KIAA1549L: variants seen among roughly 807,000 people sequenced by gnomAD.
KIAA1549L encodes the protein KIAA1549 like, also known as UPF0606 protein KIAA1549L.
In KIAA1549L, 88 loss-of-function variants were observed where a neutral mutation model predicts 160.7. The ratio of observed to expected loss-of-function variants is 0.55; its 90% CI spans 0.46 to 0.65. The LOEUF (loss-of-function observed/expected upper bound fraction) is 0.65. Among genes scored for constraint, KIAA1549L ranks in the 30% least tolerant of loss-of-function variants. The pLI, the probability that KIAA1549L is intolerant of heterozygous loss-of-function variation, is 0.00. For missense variants in KIAA1549L, 2,258 were observed against 2,437.5 expected, an observed-to-expected ratio of 0.93 and a Z score of 1.55; for synonymous variants, 950 against 976.7, an observed-to-expected ratio of 0.97 and a Z score of 0.51.
intron 1 of KIAA1549L, among the ~76,000 whole-genome samples, chr11:33,455,703 A>G (rs1338263093): frequency 2.6e-5 from 4 of 152,212 alleles, no homozygotes; most frequent in Non-Finnish European, 5.9e-5. Flanking sequence ...GCCCTCTGAG[A>G]GACATTTTTT....
At chr11:33,634,339 G>A (rs551857180) in intron 16 of KIAA1549L, among the ~76,000 whole-genome samples, 130 of 152,120 alleles carry the variant, frequency 8.5e-4, no homozygotes, top group Non-Finnish European at 1.7e-3. Flanking sequence ...CACCACGCCC[G>A]GCCTGCGCTT....
In KIAA1549L at chr11:33,414,560, C is replaced by T. The variant is rs188016704; in HGVS notation, c.238+37671C>T. Among the ~76,000 whole-genome samples, 416 of 152,182 alleles carry T rather than the reference C, an allele frequency of 2.7e-3. 6 individuals are homozygous for T. The highest frequency in any genetic ancestry group is 9.5e-3 in the African/African-American group (396 of 41,512). On this transcript the variant is annotated intron_variant, in intron 1 of 20. Transcript: ENST00000658780. ...TCAAACGGAGTGCACATTTTTAAGG[C>T]GATTGGCACACTTTATCAAATTATC...
chr11:33,510,730 C>A (rs1159248063), intron 1 of KIAA1549L, among the ~76,000 whole-genome samples: 1 of 152,228 alleles, frequency 6.6e-6, no homozygotes, highest in Non-Finnish European at 1.5e-5. Context: ...GAGGCTGTGA[C>A]CTCCTGGGGA....
At chr11:33,632,254 GGTAAGAAA>G (rs1471582055) in intron 16 of KIAA1549L, among the ~76,000 whole-genome samples, 1 of 152,180 alleles carries the variant, frequency 6.6e-6, no homozygotes, top group Non-Finnish European at 1.5e-5. Flanking sequence ...GGTGGACTCT[GGTAAGAAA>G]TCCCAGGCCT....
intron 1 of KIAA1549L, among the ~76,000 whole-genome samples, chr11:33,457,386 C>A (rs1317929059): frequency 6.6e-6 from 1 of 152,170 alleles, no homozygotes; most frequent in Non-Finnish European, 1.5e-5. Flanking sequence ...CCCTGTGCAG[C>A]CTCAACAACC....
rs769260469 is a variant in KIAA1549L, at chr11:33,542,723, A to G, written c.1160A>G (p.Gln387Arg). 28 of 1,613,912 alleles carry G rather than the reference A, an allele frequency of 1.7e-5. No homozygotes were observed. The South Asian group carries it at 2.5e-4, about 15-fold the overall frequency. Residue 387 changes from glutamine to arginine, a missense_variant, in exon 2 of 21, where the codon CAG (glutamine) becomes CGG (arginine). Gln to Arg is a conservative substitution (Grantham distance 43). Coordinates refer to ENST00000658780, the MANE Select transcript of KIAA1549L (RefSeq NM_012194.3). ...LEVASGPAST[Q>R]QIKAGVPGRV... Reference sequence around the variant, plus strand: ...GTGGCTTCAGGTCCTGCATCCACCCAGCAGATCAAAGCTGGGGTGCCTGGA... The same window carrying G: ...GTGGCTTCAGGTCCTGCATCCACCCGGCAGATCAAAGCTGGGGTGCCTGGA...
In KIAA1549L at chr11:33,401,913, G is replaced by A. The variant is rs923178269; in HGVS notation, c.238+25024G>A. Reference sequence around the variant, plus strand: ...ACTCAAAGATGCGGAAGCCAGGTGGGTGGCATGAGTGAGCCAAGCACACAT... The same window carrying A: ...ACTCAAAGATGCGGAAGCCAGGTGGATGGCATGAGTGAGCCAAGCACACAT... On this transcript the variant is annotated intron_variant, in intron 1 of 20. Coordinates refer to ENST00000658780, the MANE Select transcript of KIAA1549L (RefSeq NM_012194.3). 3.3e-5 allele frequency among the ~76,000 whole-genome samples: 5 copies of A among 152,220 alleles called. No individual in the cohort carries two copies. The South Asian group carries it at 6.2e-4, about 19-fold the overall frequency.
chr11:33,402,441 C>T (rs559411364), intron 1 of KIAA1549L, among the ~76,000 whole-genome samples: 74 of 152,282 alleles, frequency 4.9e-4, no homozygotes, highest in Non-Finnish European at 8.2e-4. Flanking sequence ...TATTTCTGGT[C>T]GCCTTGTGGT....
rs773611618 is a variant in KIAA1549L, at chr11:33,645,953, G to A, written c.5677G>A (p.Gly1893Arg). 4.3e-6 allele frequency: 7 copies of A among 1,612,816 alleles called. No homozygotes were observed. The highest frequency in any genetic ancestry group is 5.9e-6 in the Non-Finnish European group (7 of 1,179,388). ...PYSEVVTSAP[G>R]TMTRPRAGVQ... ...TTCGGAGGTGGTGACCAGCGCTCCG[G>A]GGACCATGACGCGGCCCAGGGCCGG... The change falls in exon 17 of 21, where the codon GGG becomes AGG. Residue 1893 changes from glycine (G) to arginine (R), a missense_variant. By Grantham distance (125) the Gly-to-Arg change is moderately radical. This residue lies in a region of KIAA1549L where 1,359 missense variants were observed against 1,546.6 expected (regional missense o/e 0.88). Transcript: ENST00000658780.
chr11:33,472,765 T>A (rs59837692), intron 1 of KIAA1549L, among the ~76,000 whole-genome samples: 3 of 152,152 alleles, frequency 2.0e-5, no homozygotes, highest in African/African-American at 7.2e-5. Flanking sequence ...TGCACCACAG[T>A]CCGTATTATA....
chr11:33,664,428 G>A (rs913528189), intron 20 of KIAA1549L, among the ~76,000 whole-genome samples: 1 of 152,188 alleles, frequency 6.6e-6, no homozygotes, highest in African/African-American at 2.4e-5. Context: ...GGGAGGAGAG[G>A]GGGCTGCTTT....
chr11:33,389,571 G>T (rs993766805), intron 1 of KIAA1549L, among the ~76,000 whole-genome samples: 1 of 152,196 alleles, frequency 6.6e-6, no homozygotes, highest in Non-Finnish European at 1.5e-5. Flanking sequence ...TAATACTGGA[G>T]ATGAACGTAT....
At chr11:33,451,766 G>GA (rs1285912087) in intron 1 of KIAA1549L, among the ~76,000 whole-genome samples, 2 of 152,112 alleles carry the variant, frequency 1.3e-5, no homozygotes, top group African/African-American at 2.4e-5. Context: ...AGACAATCTG[G>GA]AAAAAACCTC....
chr11:33,570,884 T>C (rs1044659613), intron 9 of KIAA1549L, among the ~76,000 whole-genome samples: 1 of 152,174 alleles, frequency 6.6e-6, no homozygotes, highest in African/African-American at 2.4e-5. Flanking sequence ...AGATCCAGTA[T>C]TGATGAGTGT....
At chr11:33,444,693 G>A (rs1851576057) in intron 1 of KIAA1549L, among the ~76,000 whole-genome samples, 1 of 152,202 alleles carries the variant, frequency 6.6e-6, no homozygotes. Context: ...TACTAATTAA[G>A]CCTGTCAAGT....
At chr11:33,512,872 T>C (rs952725297) in intron 1 of KIAA1549L, among the ~76,000 whole-genome samples, 2 of 152,190 alleles carry the variant, frequency 1.3e-5, no homozygotes, top group African/African-American at 4.8e-5. Context: ...ATCTGAAGCT[T>C]GGGTTTTAAT....
intron 1 of KIAA1549L, among the ~76,000 whole-genome samples, chr11:33,513,070 A>G (rs1159051663): frequency 6.6e-6 from 1 of 152,142 alleles, no homozygotes; most frequent in Non-Finnish European, 1.5e-5. Flanking sequence ...GGGACAGAGA[A>G]CATCAGTGGT....
chr11:33,482,685 T>A (rs1852436878), intron 1 of KIAA1549L, among the ~76,000 whole-genome samples: 1 of 151,086 alleles, frequency 6.6e-6, no homozygotes, highest in African/African-American at 2.4e-5. Flanking sequence ...TTCTCCTGCC[T>A]CAGCCTCCTG....
intron 20 of KIAA1549L, among the ~76,000 whole-genome samples, chr11:33,664,238 G>A (rs945067609): frequency 3.3e-5 from 5 of 152,090 alleles, no homozygotes; most frequent in East Asian, 1.9e-4. Flanking sequence ...GTTCTCATCC[G>A]ACCCATTGAG....
Sources: allele counts gnomAD v4.1 joint callset (sites outside exome capture counted in the v4.1 genomes callset), GRCh38; gene constraint gnomAD v4.1.1; regional missense constraint gnomAD v4.1.1; transcripts MANE v1.5; gene names NCBI Gene and HGNC (gene_info 2026-07-23, HGNC 2026-07-21).